The following TSNAXIP1 variants were observed in gnomAD, a reference collection of about 807,000 sequenced individuals.
The protein encoded by TSNAXIP1 is translin-associated factor X-interacting protein 1.
Under a neutral mutation model 84.8 loss-of-function variants are expected in TSNAXIP1, and 89 were observed. The ratio of observed to expected loss-of-function variants is 1.05; its 90% CI spans 0.88 to 1.25. The LOEUF (loss-of-function observed/expected upper bound fraction) is 1.25, where lower values mean the gene tolerates loss of function less well. TSNAXIP1 is among the 50% of genes most tolerant of loss of function. The probability of loss-of-function intolerance (pLI) is 0.00; values close to 1 mark genes in which losing one functional copy is unlikely to be tolerated. For synonymous variants in TSNAXIP1, 347 were observed against 335.2 expected, an observed-to-expected ratio of 1.04 and a Z score of -0.39; for missense variants, 874 against 887.6, an observed-to-expected ratio of 0.98 and a Z score of 0.20.
chr16:67,823,573 A>C, intron 4 of TSNAXIP1, 53 bp from the exon 5 acceptor site: 1 of 1,458,008 alleles, frequency 6.9e-7, no homozygotes, highest in Non-Finnish European at 9.6e-7. Flanking sequence ...ACAGTTCCCC[A>C]CTAAGGTTGG....
intron 14 of TSNAXIP1, 21 bp downstream of exon 14, chr16:67,827,396 G>A (rs1189635705): frequency 2.5e-6 from 4 of 1,613,994 alleles, no homozygotes; most frequent in African/African-American, 2.7e-5. Flanking sequence ...GGGGTCCGGG[G>A]ACTGGCCTGG....
At chr16:67,814,218 T>TG (rs1358329002) in intron 1 of TSNAXIP1, 84 bp from the exon 2 acceptor site, 3 of 1,117,368 alleles carry the variant, frequency 2.7e-6, no homozygotes, top group Non-Finnish European at 2.6e-6. Context: ...GAGACGGCTA[T>TG]GCCTTGTGGA....
Position 67,827,902 on chromosome 16 carries a change from C to T in TSNAXIP1, c.2048C>T (p.Ala683Val). 1 of 1,614,014 alleles carries T rather than the reference C, an allele frequency of 6.2e-7. No individual in the cohort carries two copies. The highest frequency in any genetic ancestry group is 2.2e-5 in the East Asian group (1 of 44,880). ...GAGGAGGGTGACGAGAAGGAAGAAGCCGTGGTGGAAATCCTCCAGACTGCC... is the reference window on the plus strand; with the variant it reads ...GAGGAGGGTGACGAGAAGGAAGAAGTCGTGGTGGAAATCCTCCAGACTGCC... Reference protein sequence around the residue: ...MPEEGDEKEEAVVEILQTALE... With the variant: ...MPEEGDEKEEVVVEILQTALE... The change falls in exon 16 of 16, where the codon GCC becomes GTC. Residue 683 changes from alanine (A) to valine (V), a missense_variant. By Grantham distance (64) the Ala-to-Val change is moderately conservative. Transcript: ENST00000561639.
In TSNAXIP1 at chr16:67,826,815, A is replaced by G. The variant is rs980141775; in HGVS notation, c.1525A>G (p.Ser509Gly). ...GATCTTCCACTCCAACGAGGTTATG[A>G]GTCAGTTCTATGCAGTCTTGATGGG... is the stretch of plus-strand genomic sequence containing the variant. ...IKIFHSNEVM[S>G]QFYAVLMGKR... The change falls in exon 12 of 16, where the codon AGT (serine) becomes GGT (glycine). Residue 509 changes from serine to glycine, a missense_variant. By Grantham distance (56) the Ser-to-Gly change is moderately conservative. Coordinates refer to ENST00000561639, the MANE Select transcript of TSNAXIP1 (RefSeq NM_001288990.3). The G allele has an allele frequency of 2.5e-6, 4 of 1,613,924 alleles. No individual in the cohort carries two copies. Among genetic ancestry groups the G allele is most frequent in the Middle Eastern group, 3.3e-4 (2 of 6,062 alleles).
Position 67,810,243 on chromosome 16 carries a change from C to G in TSNAXIP1, c.47+3047C>G, listed in dbSNP as rs184716071. Among the ~76,000 whole-genome samples the G allele has an allele frequency of 2.6e-5, 4 of 152,270 alleles. No homozygotes were observed. The East Asian group carries it at 7.7e-4, about 29-fold the overall frequency. The stretch of plus-strand genomic sequence containing the variant: ...TCCTTTCACCCTCATAACCCTGGCA[C>G]TTGGTGGATGGAACTCAGCAGCTTG... On this transcript the variant is annotated intron_variant, in intron 1 of 15. Coordinates refer to ENST00000561639, the MANE Select transcript of TSNAXIP1 (RefSeq NM_001288990.3).
intron 4 of TSNAXIP1, among the ~76,000 whole-genome samples, chr16:67,821,433 G>A (rs2057045092): frequency 6.6e-6 from 1 of 152,088 alleles, no homozygotes; most frequent in East Asian, 1.9e-4. Flanking sequence ...AGCCAGGCAT[G>A]GTAGTGGGCA....
chr16:67,823,174 C>G (rs894278909), intron 4 of TSNAXIP1, among the ~76,000 whole-genome samples: 1 of 152,118 alleles, frequency 6.6e-6, no homozygotes, highest in Non-Finnish European at 1.5e-5. Context: ...TGTGAGGTAC[C>G]CGGGTGGTAT....
At position 67,827,916 on chromosome 16, in the gene TSNAXIP1, C is replaced by A. The variant is rs781128907; in HGVS notation, c.2062C>A (p.Leu688Ile). The change falls in exon 16 of 16, where the codon CTC becomes ATC. Residue 688 changes from leucine to isoleucine, a missense_variant. Coordinates refer to ENST00000561639, the MANE Select transcript of TSNAXIP1 (RefSeq NM_001288990.3). The stretch of plus-strand genomic sequence containing the variant: ...GAAGGAAGAAGCCGTGGTGGAAATC[C>A]TCCAGACTGCCCTGGAGCGGCTTCA... ...DEKEEAVVEI[L>I]QTALERLQVI... 9.3e-6 allele frequency: 15 copies of A among 1,613,994 alleles called. 1 individual carries two copies. Among genetic ancestry groups the A allele is most frequent in the East Asian group, 6.7e-5 (3 of 44,886 alleles).
Position 67,807,057 on chromosome 16 carries a change from G to T in TSNAXIP1, c.-93G>T. On this transcript the variant is annotated 5_prime_UTR_variant, in exon 1 of 16. Coordinates refer to ENST00000561639, the MANE Select transcript of TSNAXIP1 (RefSeq NM_001288990.3). ...TCCCTGACTCCGCCCCCGCCGCGGG[G>T]GGGCCTCTGGGGCCTGGTCGCCATG... is the stretch of plus-strand genomic sequence containing the variant. The T allele has an allele frequency of 2.0e-6, 3 of 1,491,342 alleles. No homozygotes were observed. Among genetic ancestry groups the T allele is most frequent in the Non-Finnish European group, 2.7e-6 (3 of 1,124,510 alleles). 92.4% of individuals were successfully genotyped at this position (1,491,342 alleles called of 1,614,324 possible).
At chr16:67,817,183 T>C (rs1157603464) in intron 2 of TSNAXIP1, among the ~76,000 whole-genome samples, 1 of 148,486 alleles carries the variant, frequency 6.7e-6, no homozygotes, top group Non-Finnish European at 1.5e-5. Flanking sequence ...AGAGTCTTGC[T>C]TTGTCGCCCA....
chr16:67,827,495 C>G lies in TSNAXIP1; in HGVS notation c.1814C>G (p.Pro605Arg). Residue 605 changes from proline to arginine, a missense_variant, in exon 15 of 16, where the codon CCC (proline) becomes CGC (arginine). Transcript: ENST00000561639. ...CAGGATGAGGAGGGCCAGAGTGAGCCCTTTGTGCAAAAACTCTGGGAACAA... is the reference window on the plus strand; with the variant it reads ...CAGGATGAGGAGGGCCAGAGTGAGCGCTTTGTGCAAAAACTCTGGGAACAA... ...FMEDEEGQSE[P>R]FVQKLWEQYM... 1 of 1,614,146 alleles carries G rather than the reference C, an allele frequency of 6.2e-7. No homozygotes were observed. The highest frequency in any genetic ancestry group is 8.5e-7 in the Non-Finnish European group (1 of 1,180,028).
intron 4 of TSNAXIP1, 90 bp downstream of exon 4, chr16:67,821,315 A>T: frequency 1.3e-6 from 2 of 1,507,774 alleles, no homozygotes; most frequent in Non-Finnish European, 1.8e-6. Flanking sequence ...CACGCCTGTA[A>T]TCTCAGCACT....
intron 2 of TSNAXIP1, among the ~76,000 whole-genome samples, chr16:67,819,725 G>A (rs1280246208): frequency 7.6e-5 from 11 of 144,490 alleles, no homozygotes; most frequent in African/African-American, 2.6e-4. Context: ...TCAGCTCACC[G>A]CAACCTCCGC....
Position 67,809,560 on chromosome 16 carries a change from T to C in TSNAXIP1, c.47+2364T>C, listed in dbSNP as rs191126171. Among the ~76,000 whole-genome samples the C allele has an allele frequency of 8.6e-5, 13 of 151,346 alleles. No individual in the cohort carries two copies. The Middle Eastern group carries it at 0.01, about 119-fold the overall frequency. On this transcript the variant is annotated intron_variant, in intron 1 of 15. Coordinates refer to ENST00000561639, the MANE Select transcript of TSNAXIP1 (RefSeq NM_001288990.3). The stretch of plus-strand genomic sequence containing the variant: ...ATTGCTTGAACCCAGGAGGAGGAGG[T>C]TGCAGTGAGCTGAGATCTTGCCACT...
chr16:67,809,969 A>G (rs1363528496), intron 1 of TSNAXIP1, among the ~76,000 whole-genome samples: 1 of 150,308 alleles, frequency 6.7e-6, no homozygotes, highest in Non-Finnish European at 1.5e-5. Flanking sequence ...AAATAAATAA[A>G]ATTTAAAAAA....
At position 67,825,782 on chromosome 16, in the gene TSNAXIP1, C is replaced by T. The variant is rs765225698; in HGVS notation, c.930C>T (p.Val310=). 2 of 1,614,126 alleles carry T rather than the reference C, an allele frequency of 1.2e-6. No individual in the cohort carries two copies. Among genetic ancestry groups the T allele is most frequent in the South Asian group, 2.2e-5 (2 of 91,074 alleles). ...NNMKANFGDV[V]PRRDFEMQEK... Reference sequence around the variant, plus strand: ...TGAAGGCCAACTTTGGAGATGTGGTCCCCAGGAGGGACTTTGAAATGCAGG... The same window carrying T: ...TGAAGGCCAACTTTGGAGATGTGGTTCCCAGGAGGGACTTTGAAATGCAGG... Residue 310 remains valine (V), a synonymous_variant, in exon 8 of 16, where the codon GTC becomes GTT. Coordinates refer to ENST00000561639, the MANE Select transcript of TSNAXIP1 (RefSeq NM_001288990.3).
At chr16:67,820,573 C>T (rs1032683905) in intron 2 of TSNAXIP1, among the ~76,000 whole-genome samples, 1 of 151,944 alleles carries the variant, frequency 6.6e-6, no homozygotes, top group Admixed American at 6.6e-5. Flanking sequence ...GGTGAAACCA[C>T]GTCTCTACTA....
intron 2 of TSNAXIP1, among the ~76,000 whole-genome samples, chr16:67,818,734 C>G (rs2056795788): frequency 6.8e-6 from 1 of 147,750 alleles, no homozygotes; most frequent in South Asian, 2.2e-4. Context: ...GACAGAGTCT[C>G]TCTCTGTCGC....
At chr16:67,822,740 G>T (rs141888829) in intron 4 of TSNAXIP1, among the ~76,000 whole-genome samples, 6 of 152,324 alleles carry the variant, frequency 3.9e-5, no homozygotes, top group African/African-American at 1.4e-4. Context: ...GCAAGGCCCT[G>T]GGCTGGGGCC....
Sources: gnomAD v4.1 joint callset for allele counts (sites outside exome capture counted in the v4.1 genomes callset) on GRCh38, gnomAD v4.1.1 for gene constraint, MANE v1.5 for transcripts, NCBI Gene and HGNC (gene_info 2026-07-23, HGNC 2026-07-21) for gene names.